Variants in PPP3R1 observed in about 807,000 individuals in gnomAD.
PPP3R1 encodes the protein calcineurin subunit B type 1.
Under a neutral mutation model 22.6 loss-of-function variants are expected in PPP3R1, and 5 were observed. The ratio of observed to expected loss-of-function variants is 0.22; its 90% CI spans 0.12 to 0.46. The LOEUF (loss-of-function observed/expected upper bound fraction) is 0.46, where lower values mean the gene tolerates loss of function less well. Ranked by LOEUF, PPP3R1 falls within the 20% of genes least tolerant of loss-of-function variation. The probability of loss-of-function intolerance (pLI) is 0.99; values close to 1 mark genes in which losing one functional copy is unlikely to be tolerated. For missense variants in PPP3R1, 61 were observed against 203.2 expected, an observed-to-expected ratio of 0.30 and a Z score of 4.25; for synonymous variants, 56 against 65.2, an observed-to-expected ratio of 0.86 and a Z score of 0.68.
intron 1 of PPP3R1, among the ~76,000 whole-genome samples, chr2:68,240,437 AAAAAC>A (rs1230611219): frequency 7.2e-5 from 11 of 152,328 alleles, no homozygotes; most frequent in African/African-American, 2.6e-4. Flanking sequence ...TTAACAGATG[AAAAAC>A]AAAACAGACA....
At chr2:68,212,567 T>C (rs917692088) in intron 2 of PPP3R1, among the ~76,000 whole-genome samples, 1 of 152,232 alleles carries the variant, frequency 6.6e-6, no homozygotes, top group Non-Finnish European at 1.5e-5. Flanking sequence ...TCTATGTACA[T>C]TTCCATCAAA....
intron 2 of PPP3R1, among the ~76,000 whole-genome samples, chr2:68,199,049 C>T (rs1674900803): frequency 2.6e-5 from 4 of 152,084 alleles, no homozygotes; most frequent in Admixed American, 6.5e-5. Context: ...CTGCCACCTC[C>T]GCCTCCTGGG....
intron 1 of PPP3R1, among the ~76,000 whole-genome samples, chr2:68,237,024 G>C (rs1670032346): frequency 6.6e-6 from 1 of 152,104 alleles, no homozygotes; most frequent in Non-Finnish European, 1.5e-5. Flanking sequence ...CTGAACTGCT[G>C]AACCAACCCT....
At chr2:68,185,113 A>G (rs907060070) in intron 5 of PPP3R1, among the ~76,000 whole-genome samples, 1 of 151,732 alleles carries the variant, frequency 6.6e-6, no homozygotes, top group Non-Finnish European at 1.5e-5. Context: ...CAGCTACTCA[A>G]GAGGCTGAGG....
chr2:68,233,788 A>C (rs983240811), intron 1 of PPP3R1, among the ~76,000 whole-genome samples: 1 of 152,202 alleles, frequency 6.6e-6, no homozygotes, highest in Non-Finnish European at 1.5e-5. Flanking sequence ...GACTTTTTTC[A>C]AACTGAACAT....
intron 2 of PPP3R1, among the ~76,000 whole-genome samples, chr2:68,195,215 G>T (rs1039993868): frequency 3.3e-5 from 5 of 152,036 alleles, no homozygotes; most frequent in African/African-American, 1.2e-4. Flanking sequence ...TCCAATTTGT[G>T]ACAACTCTTG....
chr2:68,237,557 T>C (rs899140738), intron 1 of PPP3R1, among the ~76,000 whole-genome samples: 1 of 152,102 alleles, frequency 6.6e-6, no homozygotes, highest in South Asian at 2.1e-4. Context: ...TACAACTCTA[T>C]GAGTAATGTG....
At chr2:68,235,941 G>C (rs1670011230) in intron 1 of PPP3R1, among the ~76,000 whole-genome samples, 1 of 152,142 alleles carries the variant, frequency 6.6e-6, no homozygotes, top group African/African-American at 2.4e-5. Context: ...AATGACTAAT[G>C]ATGTTGAGCA....
intron 2 of PPP3R1, among the ~76,000 whole-genome samples, chr2:68,199,273 T>G (rs1674906563): frequency 6.6e-6 from 1 of 152,234 alleles, no homozygotes; most frequent in Admixed American, 6.5e-5. Context: ...CATTTCATTT[T>G]TAATTGTTCT....
chr2:68,221,492 T>G (rs552715250), intron 1 of PPP3R1, among the ~76,000 whole-genome samples: 1 of 152,078 alleles, frequency 6.6e-6, no homozygotes, highest in African/African-American at 2.4e-5. Flanking sequence ...AGCAAGACTT[T>G]GTAAATAAAT....
At chr2:68,205,150 T>C (rs1675088091) in intron 2 of PPP3R1, among the ~76,000 whole-genome samples, 1 of 152,000 alleles carries the variant, frequency 6.6e-6, no homozygotes, top group African/African-American at 2.4e-5. Flanking sequence ...GTTTCAACCA[T>C]TAAACATAAG....
Position 68,252,483 on chromosome 2 carries a change from C to G in PPP3R1, c.-356G>C. On this transcript the variant is annotated 5_prime_UTR_variant, in exon 1 of 6. Coordinates refer to ENST00000234310, the MANE Select transcript of PPP3R1 (RefSeq NM_000945.4). ...TGCAGCCTCGCGCTCGCGCCGGAGCCGTGACGGACTCACTGCAGCGGCTCG... is the reference window on the plus strand; with the variant it reads ...TGCAGCCTCGCGCTCGCGCCGGAGCGGTGACGGACTCACTGCAGCGGCTCG... The G allele has an allele frequency of 2.0e-6, 2 of 979,570 alleles. No homozygotes were observed. Among genetic ancestry groups the G allele is most frequent in the Non-Finnish European group, 2.4e-6 (2 of 829,852 alleles). The allele number at this position is 979,570 out of a possible 1,614,324, so 60.7% of individuals were successfully genotyped here.
intron 2 of PPP3R1, among the ~76,000 whole-genome samples, chr2:68,194,618 G>A (rs1674732245): frequency 6.6e-6 from 1 of 152,030 alleles, no homozygotes; most frequent in Non-Finnish European, 1.5e-5. Context: ...AGACCACAGT[G>A]TTCTGGTTCT....
At chr2:68,198,156 T>C (rs566142174) in intron 2 of PPP3R1, among the ~76,000 whole-genome samples, 4 of 136,800 alleles carry the variant, frequency 2.9e-5, no homozygotes, top group South Asian at 2.3e-4. Context: ...AATACACATA[T>C]ATGTAAATAT....
intron 1 of PPP3R1, among the ~76,000 whole-genome samples, chr2:68,240,817 A>G (rs770131176): frequency 6.6e-6 from 1 of 152,254 alleles, no homozygotes; most frequent in Admixed American, 6.5e-5. Flanking sequence ...TGAAGATTTC[A>G]GTCTTTATAA....
chr2:68,197,165 C>A (rs563077568), intron 2 of PPP3R1, among the ~76,000 whole-genome samples: 8 of 152,328 alleles, frequency 5.3e-5, no homozygotes, highest in African/African-American at 1.9e-4. Flanking sequence ...AAGAACATTC[C>A]ATGACCCCTA....
chr2:68,187,804 T>C (rs1444238108), intron 3 of PPP3R1, among the ~76,000 whole-genome samples: 2 of 152,172 alleles, frequency 1.3e-5, no homozygotes, highest in East Asian at 1.9e-4. Context: ...CCACTTATAA[T>C]TGTCCAAACT....
chr2:68,228,633 TTC>T (rs1669830585), intron 1 of PPP3R1, among the ~76,000 whole-genome samples: 1 of 152,214 alleles, frequency 6.6e-6, no homozygotes, highest in Admixed American at 6.5e-5. Flanking sequence ...TCTCTATTGT[TTC>T]TGTTTTTTAT....
At chr2:68,195,369 G>A (rs1456923310) in intron 2 of PPP3R1, among the ~76,000 whole-genome samples, 1 of 152,090 alleles carries the variant, frequency 6.6e-6, no homozygotes, top group Non-Finnish European at 1.5e-5. Flanking sequence ...GTGTCCTCCA[G>A]TACACTGTAT....
Sources: allele counts gnomAD v4.1 joint callset (sites outside exome capture counted in the v4.1 genomes callset), GRCh38; gene constraint gnomAD v4.1.1; transcripts MANE v1.5; gene names NCBI Gene and HGNC (gene_info 2026-07-23, HGNC 2026-07-21).